The following ZNF211 variants were observed in gnomAD, a reference collection of about 807,000 sequenced individuals.
The protein encoded by ZNF211 is zinc finger protein 211, also known as zinc finger protein C2H2-25.
A neutral mutation model predicts 12.1 loss-of-function variants in ZNF211; 18 were observed. The observed-to-expected ratio is 1.48, with a 90% CI of 1.03 to 2.20. ZNF211 has a LOEUF of 2.20. Ranked by LOEUF, ZNF211 falls within the 30% of genes most tolerant of loss-of-function variation. The pLI is 0.00. For synonymous variants in ZNF211, 249 were observed against 246.0 expected, an observed-to-expected ratio of 1.01 and a Z score of -0.11; for missense variants, 677 against 703.1, an observed-to-expected ratio of 0.96 and a Z score of 0.42.
rs1271464304 is a variant in ZNF211, at chr19:57,640,921, C to T, written c.474C>T (p.Tyr158=). Residue 158 remains tyrosine (Y), a synonymous_variant, in exon 4 of 4, where the codon TAC becomes TAT. Transcript: ENST00000240731. The part of the protein sequence containing the change: ...QKLHTCGKQF[Y]ISANLQQHQR... ...TACACACATGTGGAAAACAATTCTACATCAGTGCAAATCTTCAACAGCACC... is the reference window on the plus strand; with the variant it reads ...TACACACATGTGGAAAACAATTCTATATCAGTGCAAATCTTCAACAGCACC... The T allele has an allele frequency of 8.1e-6, 13 of 1,614,100 alleles. No homozygotes were observed. Among genetic ancestry groups the T allele is most frequent in the East Asian group, 2.2e-5 (1 of 44,900 alleles).
At position 57,640,975 on chromosome 19, in the gene ZNF211, C is replaced by A. The variant is rs1460040860; in HGVS notation, c.528C>A (p.Phe176Leu). The change falls in exon 4 of 4, where the codon TTC (phenylalanine) becomes TTA (leucine). Residue 176 changes from phenylalanine to leucine, a missense_variant. Coordinates refer to ENST00000240731, the MANE Select transcript of ZNF211 (RefSeq NM_006385.5). ...HQRQHITEAP[F>L]RSYVDTASFT... The stretch of plus-strand genomic sequence containing the variant: ...GGCAGCACATTACAGAGGCACCTTT[C>A]AGAAGTTATGTGGACACTGCCTCGT... 3.1e-6 allele frequency: 5 copies of A among 1,614,108 alleles called. No individual in the cohort carries two copies. The highest frequency in any genetic ancestry group is 4.2e-6 in the Non-Finnish European group (5 of 1,180,054).
rs774518915 is a variant in ZNF211, at chr19:57,643,901, A to G, written c.*1720A>G. Among the ~76,000 whole-genome samples the G allele has an allele frequency of 4.6e-5, 7 of 152,116 alleles. No homozygotes were observed. The highest frequency in any genetic ancestry group is 1.4e-4 in the African/African-American group (6 of 41,422). ...TGCATAATTATTTTGAGATTCTTCA[A>G]TGGAGCTTATATGTGGTGGTCATTC... is the stretch of plus-strand genomic sequence containing the variant. On this transcript the variant is annotated 3_prime_UTR_variant, in exon 4 of 4. Transcript: ENST00000240731.
At chr19:57,636,339 C>G (rs1391455186) in intron 3 of ZNF211, among the ~76,000 whole-genome samples, 1 of 152,058 alleles carries the variant, frequency 6.6e-6, no homozygotes, top group Non-Finnish European at 1.5e-5. Flanking sequence ...AAGCTTTTTC[C>G]TTGCTTTAAG....
intron 3 of ZNF211, among the ~76,000 whole-genome samples, chr19:57,639,546 AGTAATCCCTCCTGGGATTACAAAC>A (rs1982607941): frequency 6.8e-6 from 1 of 147,942 alleles, no homozygotes; most frequent in African/African-American, 2.5e-5. Flanking sequence ...CAGCCTCCTG[AGTAATCCCTCCTGGGATTACAAAC>A]GCACACCACC....
Position 57,641,013 on chromosome 19 carries a change from G to T in ZNF211, c.566G>T (p.Cys189Phe), listed in dbSNP as rs777702336. The T allele has an allele frequency of 1.9e-5, 30 of 1,614,094 alleles. No homozygotes were observed. Among genetic ancestry groups the T allele is most frequent in the African/African-American group, 2.7e-5 (2 of 74,928 alleles). Residue 189 changes from cysteine to phenylalanine, a missense_variant, in exon 4 of 4, where the codon TGC becomes TTC. Coordinates refer to ENST00000240731, the MANE Select transcript of ZNF211 (RefSeq NM_006385.5). ...YVDTASFTQS[C>F]IVHVSEKPFT... ...GACACTGCCTCGTTTACACAGAGTT[G>T]CATAGTCCATGTGTCGGAGAAACCC...
rs548831337 is a variant in ZNF211 at position 57,637,211 on chromosome 19, C to T, written c.256+2456C>T. Among the ~76,000 whole-genome samples, 54 of 145,130 alleles carry T rather than the reference C, an allele frequency of 3.7e-4. 1 individual carries two copies. The South Asian group carries it at 0.011, about 30-fold the overall frequency. ...CTAATTGCTATGTTGAACAGAAGTG[C>T]TAAAAGTAGCATCCTTATCTTGTCC... On this transcript the variant is annotated intron_variant, in intron 3 of 3. Coordinates refer to ENST00000240731, the MANE Select transcript of ZNF211 (RefSeq NM_006385.5).
intron 3 of ZNF211, 57 bp downstream of exon 3, chr19:57,634,812 C>T: frequency 6.8e-7 from 1 of 1,459,986 alleles, no homozygotes; most frequent in South Asian, 1.5e-5. Context: ...TTCTCCTTTT[C>T]CTCAGGAGCA....
chr19:57,643,221 G>A lies in ZNF211; in HGVS notation c.*1040G>A, dbSNP rs926491726. 6.6e-6 allele frequency among the ~76,000 whole-genome samples: 1 copy of A among 152,118 alleles called. No individual in the cohort carries two copies. The highest frequency in any genetic ancestry group is 2.4e-5 in the African/African-American group (1 of 41,482). ...CTACTGTCACTGTAAAATGATGGGG[G>A]AACCATAATTGGTGTGGAAACACTG... On this transcript the variant is annotated 3_prime_UTR_variant, in exon 4 of 4. Transcript: ENST00000240731.
At chr19:57,634,572 AT>A in intron 2 of ZNF211, 56 bp from the exon 3 acceptor site, 2 of 1,478,868 alleles carry the variant, frequency 1.4e-6, no homozygotes, top group Non-Finnish European at 1.8e-6. Flanking sequence ...GGGGACATGG[AT>A]TTTGAGTCTT....
At chr19:57,639,129 G>A (rs1982520896) in intron 3 of ZNF211, among the ~76,000 whole-genome samples, 1 of 151,974 alleles carries the variant, frequency 6.6e-6, no homozygotes, top group Non-Finnish European at 1.5e-5. Flanking sequence ...ACATCATAAA[G>A]TTGGATCATG....
chr19:57,640,046 T>C, intron 3 of ZNF211: 1 of 1,535,944 alleles, frequency 6.5e-7, no homozygotes, highest in African/African-American at 1.4e-5. Flanking sequence ...TGAATGGCAC[T>C]TGGGAAAAGG....
At position 57,641,268 on chromosome 19, in the gene ZNF211, A is replaced by G. The variant is rs1982887060; in HGVS notation, c.821A>G (p.Lys274Arg). ...AGAGAAGGACTTTTTGAGTGCAGTAAATGTGGGAAAGCATGTACGCGAAGA... is the reference window on the plus strand; with the variant it reads ...AGAGAAGGACTTTTTGAGTGCAGTAGATGTGGGAAAGCATGTACGCGAAGA... ...LTREGLFECS[K>R]CGKACTRRCN... Residue 274 changes from lysine (K) to arginine (R), a missense_variant, in exon 4 of 4, where the codon AAA becomes AGA. Physicochemically the swap from Lys to Arg is conservative, Grantham distance 26. Transcript: ENST00000240731. The G allele has an allele frequency of 6.2e-7, 1 of 1,614,086 alleles. No individual in the cohort carries two copies. Among genetic ancestry groups the G allele is most frequent in the African/African-American group, 1.3e-5 (1 of 74,938 alleles).
At chr19:57,636,418 C>T (rs1414133546) in intron 3 of ZNF211, among the ~76,000 whole-genome samples, 1 of 135,478 alleles carries the variant, frequency 7.4e-6, no homozygotes, top group African/African-American at 2.9e-5. Context: ...TATGTGGTGT[C>T]AGGTAAGGGA....
intron 3 of ZNF211, 172 bp downstream of exon 3, chr19:57,634,927 A>G: frequency 2.0e-6 from 2 of 985,404 alleles, no homozygotes; most frequent in Non-Finnish European, 2.4e-6. Flanking sequence ...TCCCAGCCCA[A>G]AAGCATCTTG....
At position 57,643,394 on chromosome 19, in the gene ZNF211, AAAT is replaced by A. The variant is rs1338357762; in HGVS notation, c.*1219_*1221del. On this transcript the variant is annotated 3_prime_UTR_variant, in exon 4 of 4. Coordinates refer to ENST00000240731, the MANE Select transcript of ZNF211 (RefSeq NM_006385.5). Reference sequence around the variant, plus strand: ...TTTTGTAGCTGAGGTGACTGTCAAAAAATAATAAACAACCTAAAGGTTTTGTGT... The same window carrying A: ...TTTTGTAGCTGAGGTGACTGTCAAAAAATAAACAACCTAAAGGTTTTGTGT... 1.3e-5 allele frequency among the ~76,000 whole-genome samples: 2 copies of A among 152,170 alleles called. No individual in the cohort carries two copies. Among genetic ancestry groups the A allele is most frequent in the Non-Finnish European group, 2.9e-5 (2 of 68,036 alleles).
Position 57,641,951 on chromosome 19 carries a change from T to TCCTTTAGAAAAAA in ZNF211, c.1511_1512insAAAAAACCTTTAG (p.Ser504ArgfsTer5). The stretch of plus-strand genomic sequence containing the variant: ...TGTTGAGTGCAGTGAATGTAGCAAA[T>TCCTTTAGAAAAAA]CCTTTAGCTGTAAATCTAACCTCAT... On this transcript the variant is annotated frameshift_variant, in exon 4 of 4. Coordinates refer to ENST00000240731, the MANE Select transcript of ZNF211 (RefSeq NM_006385.5). LOFTEE classifies it low-confidence loss of function (END_TRUNC). 6.2e-7 allele frequency: 1 copy of TCCTTTAGAAAAAA among 1,613,982 alleles called. No homozygotes were observed. The highest frequency in any genetic ancestry group is 8.5e-7 in the Non-Finnish European group (1 of 1,180,000).
chr19:57,641,655 T>C lies in ZNF211; in HGVS notation c.1208T>C (p.Val403Ala), dbSNP rs746861412. 1.9e-6 allele frequency: 3 copies of C among 1,613,684 alleles called. No individual in the cohort carries two copies. Among genetic ancestry groups the C allele is most frequent in the Non-Finnish European group, 2.5e-6 (3 of 1,179,828 alleles). ...TTTAGCCTGATCTACCACCAGAGAG[T>C]TCACACTGGAGAAAGACCTCATGAG... Reference protein sequence around the residue: ...QNFSLIYHQRVHTGERPHECN... With the variant: ...QNFSLIYHQRAHTGERPHECN... The change falls in exon 4 of 4, where the codon GTT (valine) becomes GCT (alanine). Residue 403 changes from valine to alanine, a missense_variant. Physicochemically the swap from Val to Ala is moderately conservative, Grantham distance 64. Coordinates refer to ENST00000240731, the MANE Select transcript of ZNF211 (RefSeq NM_006385.5).
In ZNF211 at chr19:57,642,227, G is replaced by A. The variant is rs973436765; in HGVS notation, c.*46G>A. Reference sequence around the variant, plus strand: ...TTCCTTTTAGTGTAATTATACTGAAGGAGTACACCTGTGAGAGAGACAAGT... The same window carrying A: ...TTCCTTTTAGTGTAATTATACTGAAAGAGTACACCTGTGAGAGAGACAAGT... On this transcript the variant is annotated 3_prime_UTR_variant, in exon 4 of 4. Coordinates refer to ENST00000240731, the MANE Select transcript of ZNF211 (RefSeq NM_006385.5). 2 of 1,534,288 alleles carry A rather than the reference G, an allele frequency of 1.3e-6. No individual in the cohort carries two copies. The highest frequency in any genetic ancestry group is 1.8e-6 in the Non-Finnish European group (2 of 1,140,516).
In ZNF211 at chr19:57,642,264, A is replaced by G; in HGVS notation, c.*83A>G. On this transcript the variant is annotated 3_prime_UTR_variant, in exon 4 of 4. Transcript: ENST00000240731. ...TGAGAGAGACAAGTACCTGATTTGG[A>G]AGCCCCAACATCTAAGGATATACAG... 1 of 1,430,602 alleles carries G rather than the reference A, an allele frequency of 7.0e-7. No homozygotes were observed. The allele number at this position is 1,430,602 out of a possible 1,614,324, so 88.6% of individuals were successfully genotyped here. A position where few individuals can be genotyped will look rare whatever the true frequency, so the allele number is the denominator to read the frequency against.
Sources: allele counts gnomAD v4.1 joint callset (sites outside exome capture counted in the v4.1 genomes callset), GRCh38; gene constraint gnomAD v4.1.1; transcripts MANE v1.5; gene names NCBI Gene and HGNC (gene_info 2026-07-23, HGNC 2026-07-21).